LRRN2: variants seen among roughly 807,000 people sequenced by gnomAD.
LRRN2 encodes leucine rich repeat neuronal 2.
Under a neutral mutation model 35.7 loss-of-function variants are expected in LRRN2, and 10 were observed. The ratio of observed to expected loss-of-function variants is 0.28; its 90% CI spans 0.17 to 0.47. The LOEUF is 0.47. Ranked by LOEUF, LRRN2 falls within the 20% of genes least tolerant of loss-of-function variation. The probability of loss-of-function intolerance (pLI) is 0.99; values close to 1 mark genes in which losing one functional copy is unlikely to be tolerated. For synonymous variants in LRRN2, 391 were observed against 409.6 expected (o/e 0.95, Z 0.55); for missense variants, 731 against 940.3 (o/e 0.78, Z 2.91).
chr1:204,634,312 G>A (rs540105787), intron 1 of LRRN2, among the ~76,000 whole-genome samples: 4 of 152,368 alleles, frequency 2.6e-5, no homozygotes, highest in Admixed American at 2.0e-4. Context: ...ACGTGGAGGA[G>A]AGAATGAATG....
rs552434587 is a variant in LRRN2 at position 204,638,619 on chromosome 1, C to G, written c.-226-18401G>C. On this transcript the variant is annotated intron_variant, in intron 1 of 1. Coordinates refer to ENST00000367177, the MANE Select transcript of LRRN2 (RefSeq NM_201630.2). ...TAGAGATGGGGTTTCACCATCTTGGCCAGGCTGGTCTTGAACTCCTGACCT... is the reference window on the plus strand; with the variant it reads ...TAGAGATGGGGTTTCACCATCTTGGGCAGGCTGGTCTTGAACTCCTGACCT... Among the ~76,000 whole-genome samples, 6 of 152,096 alleles carry G rather than the reference C, an allele frequency of 3.9e-5. No individual in the cohort carries two copies. In the South Asian group the frequency reaches 1.2e-3, roughly 32 times the overall value.
At chr1:204,662,894 C>T (rs1193263749) in intron 1 of LRRN2, among the ~76,000 whole-genome samples, 1 of 152,118 alleles carries the variant, frequency 6.6e-6, no homozygotes, top group African/African-American at 2.4e-5. Context: ...TAACTAAACT[C>T]CTTTCTGTTC....
At chr1:204,648,147 A>C (rs1668150056) in intron 1 of LRRN2, among the ~76,000 whole-genome samples, 1 of 152,246 alleles carries the variant, frequency 6.6e-6, no homozygotes, top group African/African-American at 2.4e-5. Context: ...CCATAGGGAA[A>C]GAGCACAGGG....
rs1667688531 is a variant in LRRN2 at position 204,631,258 on chromosome 1, ATATATATATATATAT to A, written c.-226-11055_-226-11041del. On this transcript the variant is annotated intron_variant, in intron 1 of 1. Transcript: ENST00000367177. The stretch of plus-strand genomic sequence containing the variant: ...AGAAGAGTGATACCTAGAGTGTTCT[ATATATATATATATAT>A]ATATATATATATATATATATATATA... Among the ~76,000 whole-genome samples the A allele has an allele frequency of 3.5e-3, 138 of 38,990 alleles. 18 individuals carry two copies. Among genetic ancestry groups the A allele is most frequent in the Middle Eastern group, 8.8e-3 (1 of 114 alleles). 25.6% of individuals were successfully genotyped at this position (38,990 alleles called of 152,430 possible).
At chr1:204,675,464 T>A (rs983827933) in intron 1 of LRRN2, among the ~76,000 whole-genome samples, 1 of 152,236 alleles carries the variant, frequency 6.6e-6, no homozygotes, top group Non-Finnish European at 1.5e-5. Context: ...CTTTCCCAGC[T>A]TCTTAGACAG....
chr1:204,679,084 C>T (rs1440578749), intron 1 of LRRN2, among the ~76,000 whole-genome samples: 2 of 152,168 alleles, frequency 1.3e-5, no homozygotes, highest in African/African-American at 4.8e-5. Flanking sequence ...CAGGATGATT[C>T]TGCAGGTCCC....
At chr1:204,640,069 T>C (rs1667946250) in intron 1 of LRRN2, among the ~76,000 whole-genome samples, 1 of 152,246 alleles carries the variant, frequency 6.6e-6, no homozygotes, top group Admixed American at 6.5e-5. Context: ...TTTGGGCAGC[T>C]ATAACAAAAT....
At chr1:204,672,500 G>C (rs16854105) in intron 1 of LRRN2, among the ~76,000 whole-genome samples, 1 of 152,190 alleles carries the variant, frequency 6.6e-6, no homozygotes, top group Non-Finnish European at 1.5e-5. Flanking sequence ...AATGAGGACA[G>C]TGAGAAAGCA....
At chr1:204,675,000 A>G (rs891751099) in intron 1 of LRRN2, among the ~76,000 whole-genome samples, 27 of 152,340 alleles carry the variant, frequency 1.8e-4, no homozygotes, top group African/African-American at 5.1e-4. Context: ...GAGAGAATTC[A>G]TGTAAGCATC....
Position 204,617,935 on chromosome 1 carries a change from G to T in LRRN2, c.2058C>A (p.Leu686=). Residue 686 remains leucine, a synonymous_variant, in exon 2 of 2, where the codon CTC becomes CTA. Transcript: ENST00000367177. ...TCCTCCCTGGATTCCAGGGCAGGACGAGGGGAGCAGACACAACCCGGACAG... is the reference window on the plus strand; with the variant it reads ...TCCTCCCTGGATTCCAGGGCAGGACTAGGGGAGCAGACACAACCCGGACAG... ...APSVRVVSAP[L]VLPWNPGRKL... 1 of 1,614,046 alleles carries T rather than the reference G, an allele frequency of 6.2e-7. No homozygotes were observed. Among genetic ancestry groups the T allele is most frequent in the Non-Finnish European group, 8.5e-7 (1 of 1,180,034 alleles).
Position 204,617,645 on chromosome 1 carries a change from A to G in LRRN2, c.*206T>C. On this transcript the variant is annotated 3_prime_UTR_variant, in exon 2 of 2. Coordinates refer to ENST00000367177, the MANE Select transcript of LRRN2 (RefSeq NM_201630.2). The stretch of plus-strand genomic sequence containing the variant: ...GAGATGTTCCTCAGAATGGCAGCAG[A>G]GGTGACCCTAGGAGGTAAGGGCAAC... 1.7e-6 allele frequency: 1 copy of G among 594,892 alleles called. No individual in the cohort carries two copies. Among genetic ancestry groups the G allele is most frequent in the Non-Finnish European group, 3.0e-6 (1 of 335,198 alleles). 36.9% of individuals were successfully genotyped at this position (594,892 alleles called of 1,614,324 possible). A position where few individuals can be genotyped will look rare whatever the true frequency, so the allele number is the denominator to read the frequency against.
At chr1:204,659,490 C>A (rs1395316653) in intron 1 of LRRN2, among the ~76,000 whole-genome samples, 2 of 152,156 alleles carry the variant, frequency 1.3e-5, no homozygotes, top group Non-Finnish European at 2.9e-5. Flanking sequence ...CCACTGAAAT[C>A]TGGAATTATT....
chr1:204,648,577 T>C (rs1668157832), intron 1 of LRRN2, among the ~76,000 whole-genome samples: 1 of 152,166 alleles, frequency 6.6e-6, no homozygotes, highest in South Asian at 2.1e-4. Flanking sequence ...CAAGGGAGGC[T>C]TCACCTGCAT....
At chr1:204,666,224 A>G (rs901918253) in intron 1 of LRRN2, among the ~76,000 whole-genome samples, 12 of 152,234 alleles carry the variant, frequency 7.9e-5, no homozygotes, top group African/African-American at 2.9e-4. Flanking sequence ...AAAGTGTAAG[A>G]TATTGAGAGG....
chr1:204,618,343 G>T lies in LRRN2; in HGVS notation c.1650C>A (p.Asn550Lys), dbSNP rs1666535090. ...HILLSWVTPP[N>K]TVSTNLTWSS... ...ACCAGGTGAGGTTGGTGGACACTGT[G>T]TTGGGTGGGGTGACCCAAGATAGCA... The change falls in exon 2 of 2, where the codon AAC becomes AAA. Residue 550 changes from asparagine to lysine, a missense_variant. By Grantham distance (94) the Asn-to-Lys change is moderately conservative. Transcript: ENST00000367177. 1 of 1,595,448 alleles carries T rather than the reference G, an allele frequency of 6.3e-7. No individual in the cohort carries two copies. Among genetic ancestry groups the T allele is most frequent in the African/African-American group, 1.3e-5 (1 of 74,762 alleles).
At chr1:204,632,338 T>G (rs1211959686) in intron 1 of LRRN2, among the ~76,000 whole-genome samples, 1 of 151,606 alleles carries the variant, frequency 6.6e-6, no homozygotes, top group Non-Finnish European at 1.5e-5. Flanking sequence ...CAATTAAAAT[T>G]CTTCCATATT....
At chr1:204,672,265 C>T (rs762480712) in intron 1 of LRRN2, among the ~76,000 whole-genome samples, 20 of 152,156 alleles carry the variant, frequency 1.3e-4, no homozygotes, top group Non-Finnish European at 2.8e-4. Flanking sequence ...TCTGTCTAGT[C>T]CCAAGGGCAC....
chr1:204,639,135 A>G (rs1434557798), intron 1 of LRRN2, among the ~76,000 whole-genome samples: 2 of 152,206 alleles, frequency 1.3e-5, no homozygotes, highest in African/African-American at 4.8e-5. Context: ...GCCTGGCTTG[A>G]TGGAGAGAAC....
chr1:204,679,804 T>C (rs1310501072), intron 1 of LRRN2, among the ~76,000 whole-genome samples: 1 of 152,222 alleles, frequency 6.6e-6, no homozygotes, highest in Non-Finnish European at 1.5e-5. Context: ...TGGCTCCATG[T>C]GGCCCCGAGG....
Sources: gnomAD v4.1 joint callset for allele counts (sites outside exome capture counted in the v4.1 genomes callset) on GRCh38, gnomAD v4.1.1 for gene constraint, MANE v1.5 for transcripts, NCBI Gene and HGNC (gene_info 2026-07-23, HGNC 2026-07-21) for gene names.